The following WDR33 variants were observed in gnomAD, a reference collection of about 807,000 sequenced individuals.
WDR33 encodes pre-mRNA 3' end processing protein WDR33.
Under a neutral mutation model 164.9 loss-of-function variants are expected in WDR33, and 47 were observed. The observed-to-expected ratio is 0.29, with a 90% CI of 0.23 to 0.36. The LOEUF (loss-of-function observed/expected upper bound fraction) is 0.36, where lower values mean the gene tolerates loss of function less well. Ranked by LOEUF, WDR33 falls within the 10% of genes least tolerant of loss-of-function variation. The pLI, the probability that WDR33 is intolerant of heterozygous loss-of-function variation, is 1.00. For synonymous variants in WDR33, 505 were observed against 589.0 expected, an observed-to-expected ratio of 0.86 and a Z score of 2.06; for missense variants, 1,137 against 1,754.1, an observed-to-expected ratio of 0.65 and a Z score of 6.28.
At chr2:127,750,294 C>G (rs1054411379) in intron 7 of WDR33, among the ~76,000 whole-genome samples, 2 of 152,012 alleles carry the variant, frequency 1.3e-5, no homozygotes, top group African/African-American at 4.8e-5. Flanking sequence ...TCCCAAAGTG[C>G]TGGGATTACT....
At position 127,731,371 on chromosome 2, in the gene WDR33, A is replaced by G. The variant is rs541916923; in HGVS notation, c.725-4594T>C. On this transcript the variant is annotated intron_variant, in intron 7 of 21. Coordinates refer to ENST00000322313, the MANE Select transcript of WDR33 (RefSeq NM_018383.5). Reference sequence around the variant, plus strand: ...GGCACTCAGTGTTAATAAGAGAGAGAGTAATAGGCACTCTCATCTGTAATT... The same window carrying G: ...GGCACTCAGTGTTAATAAGAGAGAGGGTAATAGGCACTCTCATCTGTAATT... Among the ~76,000 whole-genome samples, 96 of 151,674 alleles carry G rather than the reference A, an allele frequency of 6.3e-4. 1 individual carries two copies. In the South Asian group the frequency reaches 0.019, roughly 31 times the overall value.
At chr2:127,773,375 C>T (rs981649773) in intron 1 of WDR33, among the ~76,000 whole-genome samples, 7 of 151,744 alleles carry the variant, frequency 4.6e-5, no homozygotes, top group African/African-American at 1.2e-4. Context: ...AGCCTTGTCA[C>T]GTTGGTCCCT....
chr2:127,810,467 C>T (rs1689611943), intron 1 of WDR33, among the ~76,000 whole-genome samples: 1 of 152,184 alleles, frequency 6.6e-6, no homozygotes, highest in South Asian at 2.1e-4. Context: ...AACTTAAAAT[C>T]AGAAACAGGG....
chr2:127,716,257 G>A lies in WDR33; in HGVS notation c.2869+898C>T, dbSNP rs566067385. ...GTCCTAGGGCTGTAATGCTGACAAG[G>A]ACTTTTCTTAATTGGATAAAACGGG... On this transcript the variant is annotated intron_variant, in intron 17 of 21. Coordinates refer to ENST00000322313, the MANE Select transcript of WDR33 (RefSeq NM_018383.5). The surrounding 1 kb of genome is among the most constrained non-coding windows in gnomAD (Gnocchi z 4.5). Among the ~76,000 whole-genome samples, 63 of 152,270 alleles carry A rather than the reference G, an allele frequency of 4.1e-4. 2 individuals carry two copies. The South Asian group carries it at 0.012, about 30-fold the overall frequency.
chr2:127,727,736 G>A (rs1686605776), intron 7 of WDR33, among the ~76,000 whole-genome samples: 1 of 152,194 alleles, frequency 6.6e-6, no homozygotes, highest in African/African-American at 2.4e-5. Flanking sequence ...AAAGCCCCAA[G>A]GATATTTTAC....
intron 7 of WDR33, among the ~76,000 whole-genome samples, chr2:127,757,863 C>A (rs1558940081): frequency 6.6e-6 from 1 of 152,098 alleles, no homozygotes. Context: ...ACGAAAAGAT[C>A]TTTGTGTAGA....
intron 7 of WDR33, among the ~76,000 whole-genome samples, chr2:127,760,767 T>C (rs1338854222): frequency 6.6e-6 from 1 of 152,202 alleles, no homozygotes; most frequent in Non-Finnish European, 1.5e-5. Context: ...TACTGTAAAG[T>C]AAGTAGAATT....
At chr2:127,743,091 T>C (rs189632712) in intron 7 of WDR33, among the ~76,000 whole-genome samples, 1 of 152,298 alleles carries the variant, frequency 6.6e-6, no homozygotes, top group African/African-American at 2.4e-5. Flanking sequence ...CCAGACTCAA[T>C]AATTTTGATT....
rs770352653 is a variant in WDR33, at chr2:127,704,179, CACA to C, written c.*2141_*2143del. On this transcript the variant is annotated 3_prime_UTR_variant, in exon 22 of 22. Transcript: ENST00000322313. Reference sequence around the variant, plus strand: ...AATCTACTTTTTATAAGCTTCAAATCACAACATCTAGTATGTATGCTGACAGTG... The same window carrying C: ...AATCTACTTTTTATAAGCTTCAAATCACATCTAGTATGTATGCTGACAGTG... 5.2e-4 allele frequency: 87 copies of C among 166,310 alleles called. No individual in the cohort carries two copies. Among genetic ancestry groups the C allele is most frequent in the Non-Finnish European group, 9.9e-4 (67 of 68,016 alleles). The allele number at this position is 166,310 out of a possible 1,614,324, so 10.3% of individuals were successfully genotyped here.
chr2:127,709,528 C>T lies in WDR33; in HGVS notation c.3527G>A (p.Gly1176Glu). The T allele has an allele frequency of 2.5e-6, 4 of 1,614,132 alleles. No individual in the cohort carries two copies. Among genetic ancestry groups the T allele is most frequent in the Non-Finnish European group, 2.5e-6 (3 of 1,179,974 alleles). The change falls in exon 20 of 22, where the codon GGG (glycine) becomes GAG (glutamate). Residue 1176 changes from glycine (G) to glutamate (E), a missense_variant. Physicochemically the swap from Gly to Glu is moderately conservative, Grantham distance 98. This residue lies in a region of WDR33 where 867 missense variants were observed against 1,073.0 expected (regional missense o/e 0.81). Transcript: ENST00000322313. The surrounding 1 kb of genome is among the most constrained non-coding windows in gnomAD (Gnocchi z 5.0). ...TPDEFPRFEGGRKPDSWDGNR... is the reference protein window; with the variant it reads ...TPDEFPRFEGERKPDSWDGNR... ...TCCATCCCAGGAATCTGGCTTCCGCCCTCCTTCAAAGCGAGGGAACTCGTC... is the reference window on the plus strand; with the variant it reads ...TCCATCCCAGGAATCTGGCTTCCGCTCTCCTTCAAAGCGAGGGAACTCGTC...
At position 127,706,427 on chromosome 2, in the gene WDR33, G is replaced by A. The variant is rs140993885; in HGVS notation, c.3907C>T (p.Pro1303Ser). 8.1e-6 allele frequency: 13 copies of A among 1,613,744 alleles called. No individual in the cohort carries two copies. The African/African-American group carries it at 1.7e-4, about 22-fold the overall frequency. ...PFGGPPGSGT[P>S]SRGGRSGSNW... Reference sequence around the variant, plus strand: ...CTGCCACTCCGGCCCCCTCGAGAAGGGGTGCCACTGCCTGGAGGGCCCCCA... The same window carrying A: ...CTGCCACTCCGGCCCCCTCGAGAAGAGGTGCCACTGCCTGGAGGGCCCCCA... The change falls in exon 22 of 22, where the codon CCT (proline) becomes TCT (serine). Residue 1303 changes from proline to serine, a missense_variant. Pro to Ser is a moderately conservative substitution (Grantham distance 74). Transcript: ENST00000322313. This position sits in a 1 kb window ranked among gnomAD's most constrained non-coding sequence, Gnocchi z 5.1.
intron 7 of WDR33, among the ~76,000 whole-genome samples, chr2:127,757,543 T>A (rs537582287): frequency 6.6e-6 from 1 of 152,178 alleles, no homozygotes; most frequent in East Asian, 1.9e-4. Context: ...TGTAGTAAAA[T>A]GGGTCCAGGT....
In WDR33 at chr2:127,703,399, C is replaced by G. The variant is rs1267892886; in HGVS notation, c.*2924G>C. On this transcript the variant is annotated 3_prime_UTR_variant, in exon 22 of 22. Transcript: ENST00000322313. ...ATTTGAAAGTAATGCTTTTCCTGAG[C>G]TGGATCCCAGTGTTGCCTTAACAGG... 3 of 167,062 alleles carry G rather than the reference C, an allele frequency of 1.8e-5. No individual in the cohort carries two copies. Among genetic ancestry groups the G allele is most frequent in the African/African-American group, 7.2e-5 (3 of 41,452 alleles). The allele number at this position is 167,062 out of a possible 1,614,324, so 10.3% of individuals were successfully genotyped here.
At chr2:127,758,599 A>C (rs1687585158) in intron 7 of WDR33, among the ~76,000 whole-genome samples, 1 of 152,230 alleles carries the variant, frequency 6.6e-6, no homozygotes, top group Non-Finnish European at 1.5e-5. Context: ...AAGCACGCTG[A>C]AACTTGTTAA....
rs1685987499 is a variant in WDR33, at chr2:127,705,413, A to G, written c.*910T>C. 2 of 152,844 alleles carry G rather than the reference A, an allele frequency of 1.3e-5. No homozygotes were observed. Among genetic ancestry groups the G allele is most frequent in the Non-Finnish European group, 2.9e-5 (2 of 68,042 alleles). The allele number at this position is 152,844 out of a possible 1,614,324, so 9.5% of individuals were successfully genotyped here. A position where few individuals can be genotyped will look rare whatever the true frequency, so the allele number is the denominator to read the frequency against. ...TTTCCACATAGTATGGAAGAGGAAGAGAGGAAAACTTAATTAAGTGTTGCA... is the reference window on the plus strand; with the variant it reads ...TTTCCACATAGTATGGAAGAGGAAGGGAGGAAAACTTAATTAAGTGTTGCA... On this transcript the variant is annotated 3_prime_UTR_variant, in exon 22 of 22. Coordinates refer to ENST00000322313, the MANE Select transcript of WDR33 (RefSeq NM_018383.5). This position sits in a 1 kb window ranked among gnomAD's most constrained non-coding sequence, Gnocchi z 4.5.
intron 7 of WDR33, among the ~76,000 whole-genome samples, chr2:127,753,050 C>T (rs1687418530): frequency 6.6e-6 from 1 of 152,208 alleles, no homozygotes; most frequent in African/African-American, 2.4e-5. Flanking sequence ...CCTCAGCCTC[C>T]CGAGAAGCTG....
rs2105379437 is a variant in WDR33 at position 127,718,849 on chromosome 2, G to GC, written c.2760+415dup. 6.6e-6 allele frequency among the ~76,000 whole-genome samples: 1 copy of GC among 152,286 alleles called. No homozygotes were observed. Among genetic ancestry groups the GC allele is most frequent in the African/African-American group, 2.4e-5 (1 of 41,566 alleles). ...CAGGAAGTGATTCTGTGGCTGGCAG[G>GC]CCCATGGAACACCAGGCTGCAATGT... On this transcript the variant is annotated intron_variant, in intron 16 of 21. Transcript: ENST00000322313. The surrounding 1 kb of genome is among the most constrained non-coding windows in gnomAD (Gnocchi z 4.4).
In WDR33 at chr2:127,721,090, C is replaced by T. The variant is rs930566361; in HGVS notation, c.1672-737G>A. ...TAACTTAGATCTACTCACTGCCCCA[C>T]TAATTCAGTTTTTTTATGTTGTTGT... On this transcript the variant is annotated intron_variant, in intron 15 of 21. Transcript: ENST00000322313. This position sits in a 1 kb window ranked among gnomAD's most constrained non-coding sequence, Gnocchi z 4.9. Among the ~76,000 whole-genome samples, 8 of 152,138 alleles carry T rather than the reference C, an allele frequency of 5.3e-5. No individual in the cohort carries two copies. The highest frequency in any genetic ancestry group is 1.2e-4 in the Non-Finnish European group (8 of 68,014).
At chr2:127,754,705 G>A (rs906251684) in intron 7 of WDR33, among the ~76,000 whole-genome samples, 2 of 150,828 alleles carry the variant, frequency 1.3e-5, no homozygotes, top group Non-Finnish European at 2.9e-5. Context: ...TTACAGGTGT[G>A]AGCTATTGTG....
Sources: allele counts gnomAD v4.1 joint callset (sites outside exome capture counted in the v4.1 genomes callset), GRCh38; gene constraint gnomAD v4.1.1; regional missense constraint gnomAD v4.1.1; non-coding constraint Gnocchi (gnomAD v3.1); transcripts MANE v1.5; gene names NCBI Gene and HGNC (gene_info 2026-07-23, HGNC 2026-07-21).